GATAD2A: variants seen among roughly 807,000 people sequenced by gnomAD.
The protein encoded by GATAD2A is transcriptional repressor p66-alpha.
In GATAD2A, 12 loss-of-function variants were observed where a neutral mutation model predicts 68.5. The observed-to-expected ratio is 0.18, with a 90% CI of 0.11 to 0.28. GATAD2A has a LOEUF of 0.28. GATAD2A is among the 10% of genes least tolerant of loss of function. The pLI is 1.00. For missense variants in GATAD2A, 755 were observed against 868.5 expected (o/e 0.87, Z 1.64); for synonymous variants, 410 against 375.3 (o/e 1.09, Z -1.07).
At chr19:19,499,819 C>T (rs1038770632) in intron 8 of GATAD2A, among the ~76,000 whole-genome samples, 1 of 152,184 alleles carries the variant, frequency 6.6e-6, no homozygotes, top group Non-Finnish European at 1.5e-5. Context: ...AGGATGGTAC[C>T]GAGACTAACT....
chr19:19,434,950 A>G (rs1234285933), intron 1 of GATAD2A: 1 of 356,278 alleles, frequency 2.8e-6, no homozygotes, highest in Non-Finnish European at 6.2e-6. Flanking sequence ...GGGTAAACCT[A>G]GCACTGCCTT....
chr19:19,477,505 G>T (rs567382757), intron 2 of GATAD2A, among the ~76,000 whole-genome samples: 12 of 152,240 alleles, frequency 7.9e-5, no homozygotes, highest in African/African-American at 2.6e-4. Flanking sequence ...GGTGTGGGAA[G>T]AGTGGTCTGA....
chr19:19,387,652 G>A (rs2048539304), intron 1 of GATAD2A, among the ~76,000 whole-genome samples: 2 of 152,076 alleles, frequency 1.3e-5, no homozygotes, highest in Admixed American at 6.5e-5. Context: ...ACTTTCCTGA[G>A]GGGGTCCCCC....
chr19:19,432,545 C>A (rs1362974488), intron 1 of GATAD2A, among the ~76,000 whole-genome samples: 1 of 151,818 alleles, frequency 6.6e-6, no homozygotes, highest in Non-Finnish European at 1.5e-5. Context: ...AAGTGATCCA[C>A]CCCGCCTCAG....
At chr19:19,492,997 T>C (rs541710753) in intron 4 of GATAD2A, among the ~76,000 whole-genome samples, 6 of 151,456 alleles carry the variant, frequency 4.0e-5, no homozygotes, top group South Asian at 2.1e-4. Flanking sequence ...CTGGAGTGCA[T>C]TGACGCAACC....
chr19:19,502,431 C>T lies in GATAD2A; in HGVS notation c.1679C>T (p.Ala560Val). 5 of 1,613,650 alleles carry T rather than the reference C, an allele frequency of 3.1e-6. No homozygotes were observed. Among genetic ancestry groups the T allele is most frequent in the Non-Finnish European group, 4.2e-6 (5 of 1,179,868 alleles). ...PKLQNSASAT[A>V]LVSRTGRHSE... ...CTGCAGAACTCAGCCTCGGCCACAG[C>T]CCTGGTCAGCAGGACCGGCAGACAT... Residue 560 changes from alanine to valine, a missense_variant, in exon 11 of 12, where the codon GCC (alanine) becomes GTC (valine). Transcript: ENST00000683918.
chr19:19,451,563 TGAG>T (rs2056394953), intron 1 of GATAD2A, among the ~76,000 whole-genome samples: 1 of 152,196 alleles, frequency 6.6e-6, no homozygotes, highest in African/African-American at 2.4e-5. Context: ...GCCAGTGAGT[TGAG>T]GACGTTCTGT....
intron 5 of GATAD2A, 40 bp from the exon 6 acceptor site, chr19:19,495,714 G>C: frequency 7.0e-6 from 11 of 1,574,612 alleles, no homozygotes; most frequent in Non-Finnish European, 9.5e-6. Flanking sequence ...GTGTGGGGGG[G>C]TCCGGTCCAT....
intron 3 of GATAD2A, 31 bp from the exon 4 acceptor site, chr19:19,492,550 C>G: frequency 1.2e-6 from 2 of 1,613,108 alleles, no homozygotes; most frequent in South Asian, 2.2e-5. Flanking sequence ...AAGGACGCTC[C>G]CTCTCAACCC....
chr19:19,416,044 G>A (rs574902501), intron 1 of GATAD2A, among the ~76,000 whole-genome samples: 1 of 151,776 alleles, frequency 6.6e-6, no homozygotes, highest in African/African-American at 2.4e-5. Context: ...CTATAGCCTC[G>A]ACCTCCTGGA....
In GATAD2A at chr19:19,498,541, A is replaced by G. The variant is rs1391395284; in HGVS notation, c.1023A>G (p.Pro341=). The G allele has an allele frequency of 1.2e-6, 2 of 1,613,926 alleles. No individual in the cohort carries two copies. The highest frequency in any genetic ancestry group is 1.7e-5 in the Admixed American group (1 of 60,032). Residue 341 remains proline, a synonymous_variant, in exon 8 of 12, where the codon CCA becomes CCG. Transcript: ENST00000683918. ...CTGTGGTCACCTCTGCCGAGTCTCCAGCAAGCCGACAGGCGGCCGCCAAGC... is the reference window on the plus strand; with the variant it reads ...CTGTGGTCACCTCTGCCGAGTCTCCGGCAAGCCGACAGGCGGCCGCCAAGC... ...VASVVTSAES[P]ASRQAAAKLA... is the part of the protein sequence containing the mutation.
chr19:19,399,828 A>G (rs1174412021), intron 1 of GATAD2A, among the ~76,000 whole-genome samples: 1 of 152,198 alleles, frequency 6.6e-6, no homozygotes, highest in Non-Finnish European at 1.5e-5. Context: ...CAGATCTGCC[A>G]TTTAACAAAT....
chr19:19,469,060 TTA>T (rs2058075542), intron 2 of GATAD2A, among the ~76,000 whole-genome samples: 1 of 152,212 alleles, frequency 6.6e-6, no homozygotes, highest in South Asian at 2.1e-4. Flanking sequence ...AGCATCAGTC[TTA>T]TATAGATTGT....
At chr19:19,462,260 C>T (rs1203432997) in intron 1 of GATAD2A, among the ~76,000 whole-genome samples, 2 of 152,226 alleles carry the variant, frequency 1.3e-5, no homozygotes, top group African/African-American at 4.8e-5. Context: ...GGAGGAGCCA[C>T]TCCTTACTGG....
At chr19:19,490,834 G>A (rs1458636171) in intron 2 of GATAD2A, among the ~76,000 whole-genome samples, 2 of 152,150 alleles carry the variant, frequency 1.3e-5, no homozygotes, top group African/African-American at 2.4e-5. Flanking sequence ...GCAGTGAGCC[G>A]AGATTGCACT....
At chr19:19,458,279 C>T (rs1050241897) in intron 1 of GATAD2A, among the ~76,000 whole-genome samples, 3 of 152,206 alleles carry the variant, frequency 2.0e-5, no homozygotes, top group Non-Finnish European at 4.4e-5. Context: ...GTTCCCCTGC[C>T]TGGAACGTCT....
At chr19:19,484,540 T>C (rs1026998691) in intron 2 of GATAD2A, among the ~76,000 whole-genome samples, 2 of 143,674 alleles carry the variant, frequency 1.4e-5, no homozygotes, top group African/African-American at 5.1e-5. Flanking sequence ...TTCTTTTTTT[T>C]TTTTTTTTTT....
chr19:19,396,370 G>A (rs1205983264), intron 1 of GATAD2A, among the ~76,000 whole-genome samples: 1 of 152,172 alleles, frequency 6.6e-6, no homozygotes, highest in Non-Finnish European at 1.5e-5. Context: ...CCTGAGGTTG[G>A]ACAACAATCT....
At chr19:19,458,053 C>CT (rs1337354352) in intron 1 of GATAD2A, among the ~76,000 whole-genome samples, 2 of 152,222 alleles carry the variant, frequency 1.3e-5, no homozygotes, top group African/African-American at 4.8e-5. Context: ...AGCCAGCTGA[C>CT]TAGGCTGGGG....
Sources: allele counts gnomAD v4.1 joint callset (sites outside exome capture counted in the v4.1 genomes callset), GRCh38; gene constraint gnomAD v4.1.1; transcripts MANE v1.5; gene names NCBI Gene and HGNC (gene_info 2026-07-23, HGNC 2026-07-21).